The following GARNL3 variants were observed in gnomAD, a reference collection of about 807,000 sequenced individuals.
The protein encoded by GARNL3 is GTPase activating Rap/RanGAP domain like 3, also known as GTPase-activating Rap/Ran-GAP domain-like protein 3.
GARNL3 carries 63 observed loss-of-function variants against 125.0 expected under a neutral mutation model. That is an observed-to-expected ratio of 0.50 (90% CI 0.41 to 0.62). GARNL3 has a LOEUF of 0.62. Among genes scored for constraint, GARNL3 ranks in the 20% least tolerant of loss-of-function variants. GARNL3 has a pLI of 0.00. For missense variants in GARNL3, 994 were observed against 1,244.0 expected (o/e 0.80, Z 3.02); for synonymous variants, 439 against 457.5 (o/e 0.96, Z 0.52).
intron 1 of GARNL3, among the ~76,000 whole-genome samples, chr9:127,232,740 G>A (rs1342109963): frequency 6.6e-6 from 1 of 152,230 alleles, no homozygotes; most frequent in Non-Finnish European, 1.5e-5. Context: ...AAATGCTGGG[G>A]TAGACCAAGT....
Position 127,393,317 on chromosome 9 carries a change from T to C in GARNL3, c.*63T>C. 1 of 1,443,502 alleles carries C rather than the reference T, an allele frequency of 6.9e-7. No homozygotes were observed. The highest frequency in any genetic ancestry group is 1.3e-5 in the South Asian group (1 of 78,932). 89.4% of individuals were successfully genotyped at this position (1,443,502 alleles called of 1,614,324 possible). On this transcript the variant is annotated 3_prime_UTR_variant, in exon 28 of 28. Transcript: ENST00000373387. ...TGGAGGTTTATACTCTTTAAACAGT[T>C]CTGATGTAATTTCTCAACAAAATGT...
intron 19 of GARNL3, among the ~76,000 whole-genome samples, chr9:127,355,035 C>T (rs1375203546): frequency 3.9e-5 from 6 of 152,234 alleles, no homozygotes; most frequent in Admixed American, 1.3e-4. Context: ...TCAGGTTATT[C>T]GCCCGCCTCG....
intron 2 of GARNL3, among the ~76,000 whole-genome samples, chr9:127,305,993 TGC>T: frequency 6.6e-6 from 1 of 152,294 alleles, no homozygotes; most frequent in Middle Eastern, 3.4e-3. Flanking sequence ...CCCTCTGCGA[TGC>T]TGAGCAGCAC....
intron 21 of GARNL3, among the ~76,000 whole-genome samples, chr9:127,359,456 C>T (rs1830864767): frequency 6.6e-6 from 1 of 152,006 alleles, no homozygotes; most frequent in African/African-American, 2.4e-5. Context: ...TGCCACTGCA[C>T]TCCAGCCTGG....
intron 1 of GARNL3, among the ~76,000 whole-genome samples, chr9:127,288,910 G>A (rs148741450): frequency 2.6e-5 from 4 of 152,234 alleles, no homozygotes; most frequent in African/African-American, 9.6e-5. Flanking sequence ...ACAAGTAAGG[G>A]GAGGGTGTGT....
At chr9:127,282,652 A>G (rs893397789) in intron 1 of GARNL3, among the ~76,000 whole-genome samples, 1 of 152,196 alleles carries the variant, frequency 6.6e-6, no homozygotes, top group East Asian at 1.9e-4. Context: ...TTAAGGATGT[A>G]CTTTACATAA....
rs1209564433 is a variant in GARNL3 at position 127,371,244 on chromosome 9, T to G, written c.2161+5878T>G. On this transcript the variant is annotated intron_variant, in intron 22 of 27. Coordinates refer to ENST00000373387, the MANE Select transcript of GARNL3 (RefSeq NM_032293.5). ...GAATTTCTTGGACTTTGGCTCCGTC[T>G]TAGAGCAACCCACCTCTCCCCTCTG... Among the ~76,000 whole-genome samples, 6 of 152,222 alleles carry G rather than the reference T, an allele frequency of 3.9e-5. No individual in the cohort carries two copies. In the East Asian group the frequency reaches 1.2e-3, roughly 29 times the overall value.
In GARNL3 at chr9:127,384,949, T is replaced by C; in HGVS notation, c.2270-78T>C. The C allele has an allele frequency of 1.4e-6, 1 of 712,502 alleles. No individual in the cohort carries two copies. The allele number at this position is 712,502 out of a possible 1,614,324, so 44.1% of individuals were successfully genotyped here. ...AGATGGAAGTTTCTAGAGAAGTGAG[T>C]GTGACTATGACACAGTCACAGCCCC... is the stretch of plus-strand genomic sequence containing the variant. On this transcript the variant is annotated intron_variant, in intron 23 of 27. Transcript: ENST00000373387. This position sits in a 1 kb window ranked among gnomAD's most constrained non-coding sequence, Gnocchi z 4.0.
intron 1 of GARNL3, among the ~76,000 whole-genome samples, chr9:127,278,823 G>A (rs1362376539): frequency 2.6e-5 from 4 of 152,154 alleles, no homozygotes; most frequent in Non-Finnish European, 5.9e-5. Context: ...TTCTGGGGTT[G>A]CGGCGGCAAT....
At chr9:127,238,785 T>C (rs773862489) in intron 1 of GARNL3, among the ~76,000 whole-genome samples, 15 of 152,196 alleles carry the variant, frequency 9.9e-5, no homozygotes, top group Non-Finnish European at 1.9e-4. Context: ...TGATCTGTAC[T>C]CCTCATCTGT....
chr9:127,319,726 A>C (rs1466912242), intron 5 of GARNL3, among the ~76,000 whole-genome samples: 1 of 152,138 alleles, frequency 6.6e-6, no homozygotes, highest in Admixed American at 6.5e-5. Flanking sequence ...GGAGAGTAAT[A>C]CCTTAAATTA....
At chr9:127,310,458 C>A (rs1052149196) in intron 2 of GARNL3, among the ~76,000 whole-genome samples, 1 of 151,960 alleles carries the variant, frequency 6.6e-6, no homozygotes, top group African/African-American at 2.4e-5. Flanking sequence ...TGTAAATGAC[C>A]AATAAAAATA....
chr9:127,332,457 G>C, intron 8 of GARNL3, 108 bp downstream of exon 8: 1 of 826,646 alleles, frequency 1.2e-6, no homozygotes, highest in Admixed American at 2.2e-5. Flanking sequence ...TTTAATACGA[G>C]GAGATAGTTT....
At chr9:127,249,968 C>T (rs1301688160) in intron 2 of GARNL3, among the ~76,000 whole-genome samples, 5 of 152,142 alleles carry the variant, frequency 3.3e-5, no homozygotes, top group Admixed American at 3.3e-4. Flanking sequence ...GAGATTGCAC[C>T]ACTGGGCTCT....
At chr9:127,352,835 G>A (rs1830485038) in intron 17 of GARNL3, among the ~76,000 whole-genome samples, 1 of 152,064 alleles carries the variant, frequency 6.6e-6, no homozygotes, top group African/African-American at 2.4e-5. Flanking sequence ...AGATCCTCAG[G>A]GCCCCTTGCT....
Position 127,291,164 on chromosome 9 carries a change from CT to C in GARNL3, c.145-3del, listed in dbSNP as rs769687017. 5.0e-6 allele frequency: 8 copies of C among 1,613,916 alleles called. No homozygotes were observed. The Admixed American group carries it at 1.0e-4, about 20-fold the overall frequency. On this transcript the variant is annotated splice_polypyrimidine_tract_variant and splice_region_variant and intron_variant, in intron 1 of 27. Coordinates refer to ENST00000373387, the MANE Select transcript of GARNL3 (RefSeq NM_032293.5). ...TTCCTAATTGAATGCTTTTTCCCCC[CT>C]AGCTTATTTCCAGTGATGCTGATGG...
At chr9:127,373,972 C>CTCCA (rs1588957354) in intron 22 of GARNL3, among the ~76,000 whole-genome samples, 1 of 152,088 alleles carries the variant, frequency 6.6e-6, no homozygotes, top group East Asian at 1.9e-4. Context: ...GGCTACTGCA[C>CTCCA]TCCAGCCTGG....
intron 25 of GARNL3, 137 bp downstream of exon 25, chr9:127,387,468 C>A: frequency 1.1e-6 from 1 of 897,986 alleles, no homozygotes; most frequent in East Asian, 2.8e-5. Context: ...ACTAGCTGAG[C>A]GTGGTGGCTC....
intron 2 of GARNL3, among the ~76,000 whole-genome samples, chr9:127,297,754 C>T (rs979444016): frequency 6.6e-6 from 1 of 152,164 alleles, no homozygotes; most frequent in Non-Finnish European, 1.5e-5. Flanking sequence ...ATCTTTATTA[C>T]ACATTTTTTT....
Sources: gnomAD v4.1 joint callset for allele counts (sites outside exome capture counted in the v4.1 genomes callset) on GRCh38, gnomAD v4.1.1 for gene constraint, Gnocchi (gnomAD v3.1) non-coding constraint, MANE v1.5 for transcripts, NCBI Gene and HGNC (gene_info 2026-07-23, HGNC 2026-07-21) for gene names.